Variants in DAB1 observed in about 807,000 individuals in gnomAD.
DAB1 encodes DAB adaptor protein 1.
DAB1 carries 15 observed loss-of-function variants against 64.6 expected under a neutral mutation model. That is an observed-to-expected ratio of 0.23 (90% CI 0.16 to 0.36). The LOEUF is 0.36. Among genes scored for constraint, DAB1 ranks in the 10% least tolerant of loss-of-function variants. DAB1 has a pLI of 1.00. For missense variants in DAB1, 596 were observed against 706.7 expected (o/e 0.84, Z 1.78); for synonymous variants, 235 against 251.9 (o/e 0.93, Z 0.64).
At chr1:57,245,786 G>C (rs1378395443) in intron 2 of DAB1, among the ~76,000 whole-genome samples, 1 of 152,038 alleles carries the variant, frequency 6.6e-6, no homozygotes, top group Admixed American at 6.6e-5. Context: ...TAATCCTTTG[G>C]GTATATACCC....
chr1:57,826,524 T>A (rs959933166), intron 1 of DAB1: 1 of 152,096 alleles, frequency 6.6e-6, no homozygotes, highest in African/African-American at 2.4e-5. Context: ...GCAGAGATAG[T>A]GGGGAGGGGC....
chr1:58,381,048 A>C (rs1644384042), intron 3 of DAB1, among the ~76,000 whole-genome samples: 1 of 152,222 alleles, frequency 6.6e-6, no homozygotes, highest in African/African-American at 2.4e-5. Flanking sequence ...GCAGGAACAG[A>C]AAACCAAACA....
chr1:57,753,129 G>A (rs1648631910), intron 6 of DAB1, among the ~76,000 whole-genome samples: 1 of 152,108 alleles, frequency 6.6e-6, no homozygotes, highest in Non-Finnish European at 1.5e-5. Context: ...GGGGTCTTTG[G>A]CCTACTCTTG....
At chr1:57,024,834 A>G (rs1646734707) in intron 10 of DAB1, among the ~76,000 whole-genome samples, 4 of 152,212 alleles carry the variant, frequency 2.6e-5, no homozygotes, top group Admixed American at 2.6e-4. Context: ...CTTTTAGCCC[A>G]GGATAAAGGG....
At chr1:58,275,139 T>A (rs1229740366) in intron 4 of DAB1, among the ~76,000 whole-genome samples, 2 of 152,170 alleles carry the variant, frequency 1.3e-5, no homozygotes, top group African/African-American at 4.8e-5. Flanking sequence ...TATAAAAAAA[T>A]AAATTTAGAC....
intron 6 of DAB1, among the ~76,000 whole-genome samples, chr1:57,758,525 T>C (rs1648923180): frequency 1.3e-5 from 2 of 152,160 alleles, no homozygotes; most frequent in Non-Finnish European, 1.5e-5. Flanking sequence ...ACTTTAGAAG[T>C]GCCCAGAATC....
At chr1:58,233,257 T>C (rs1206289820) in intron 4 of DAB1, among the ~76,000 whole-genome samples, 1 of 152,224 alleles carries the variant, frequency 6.6e-6, no homozygotes, top group Non-Finnish European at 1.5e-5. Context: ...GCATTGATTA[T>C]GCTGATAGTT....
chr1:57,431,143 C>CAAAAAAAAAAAAAAAAAAAAAAA (rs77701798), intron 7 of DAB1, among the ~76,000 whole-genome samples: 5 of 96,362 alleles, frequency 5.2e-5, no homozygotes, highest in African/African-American at 1.5e-4. Flanking sequence ...AGGCCAAAAA[C>CAAAAAAAAAAAAAAAAAAAAAAA]AAAAAAAAAA....
chr1:58,148,146 C>T (rs956965752), intron 5 of DAB1, among the ~76,000 whole-genome samples: 10 of 152,168 alleles, frequency 6.6e-5, no homozygotes, highest in Non-Finnish European at 1.3e-4. Flanking sequence ...TAAGGCCAAG[C>T]TTTCTCTGTA....
chr1:58,364,567 C>T (rs1186604857), intron 3 of DAB1, among the ~76,000 whole-genome samples: 1 of 152,164 alleles, frequency 6.6e-6, no homozygotes, highest in Non-Finnish European at 1.5e-5. Flanking sequence ...CACACCTACC[C>T]TTTTTTGCAT....
chr1:57,287,723 C>A (rs533336733), intron 2 of DAB1, among the ~76,000 whole-genome samples: 3 of 152,196 alleles, frequency 2.0e-5, no homozygotes, highest in Admixed American at 6.5e-5. Context: ...ATTACATCAT[C>A]AAAACTGAAG....
intron 5 of DAB1, among the ~76,000 whole-genome samples, chr1:57,935,888 A>G (rs557907185): frequency 1.3e-5 from 2 of 152,240 alleles, no homozygotes; most frequent in Non-Finnish European, 2.9e-5. Context: ...GAGGAAACTT[A>G]AAGCAGATCT....
At chr1:57,443,512 C>G (rs966396748) in intron 7 of DAB1, among the ~76,000 whole-genome samples, 1 of 152,212 alleles carries the variant, frequency 6.6e-6, no homozygotes, top group African/African-American at 2.4e-5. Context: ...TAACATTCTT[C>G]AAAGCCCAAC....
intron 7 of DAB1, among the ~76,000 whole-genome samples, chr1:57,637,496 G>T (rs564766708): frequency 2.2e-4 from 33 of 152,246 alleles, no homozygotes; most frequent in African/African-American, 7.5e-4. Context: ...GGTAGCTGAG[G>T]TCATCATGCA....
At chr1:57,430,351 G>A (rs1419438910) in intron 7 of DAB1, among the ~76,000 whole-genome samples, 1 of 151,350 alleles carries the variant, frequency 6.6e-6, no homozygotes, top group Non-Finnish European at 1.5e-5. Flanking sequence ...ATGTTTCTAT[G>A]TACATAAAGC....
chr1:58,440,301 G>A (rs1644994186), intron 3 of DAB1, among the ~76,000 whole-genome samples: 1 of 152,174 alleles, frequency 6.6e-6, no homozygotes, highest in Admixed American at 6.5e-5. Context: ...CTGGGCATTG[G>A]GCTAGATGCT....
At chr1:58,401,821 A>T (rs186872874) in intron 3 of DAB1, among the ~76,000 whole-genome samples, 23 of 152,360 alleles carry the variant, frequency 1.5e-4, no homozygotes, top group African/African-American at 5.0e-4. Flanking sequence ...ATGTCTTTTT[A>T]AAATACATAA....
At chr1:57,630,768 A>G (rs927460897) in intron 7 of DAB1, among the ~76,000 whole-genome samples, 2 of 152,204 alleles carry the variant, frequency 1.3e-5, no homozygotes, top group Admixed American at 1.3e-4. Context: ...ATATCCACGG[A>G]TTTGTTGGTA....
intron 6 of DAB1, among the ~76,000 whole-genome samples, chr1:57,759,732 G>A (rs77870129): frequency 6.6e-6 from 1 of 152,130 alleles, no homozygotes; most frequent in African/African-American, 2.4e-5. Context: ...ACTAGGCAGA[G>A]GTGATGTTAA....
Sources: allele counts gnomAD v4.1 joint callset (sites outside exome capture counted in the v4.1 genomes callset), GRCh38; gene constraint gnomAD v4.1.1; transcripts MANE v1.5; gene names NCBI Gene and HGNC (gene_info 2026-07-23, HGNC 2026-07-21).